KCNH1: variants seen among roughly 807,000 people sequenced by gnomAD.
The protein encoded by KCNH1 is potassium voltage-gated channel subfamily H member 1.
KCNH1 carries 27 observed loss-of-function variants against 69.2 expected under a neutral mutation model. That is an observed-to-expected ratio of 0.39 (90% CI 0.29 to 0.54). KCNH1 has a LOEUF of 0.54. KCNH1 is among the 20% of genes least tolerant of loss of function. The pLI is 0.68. For synonymous variants in KCNH1, 456 were observed against 487.7 expected (o/e 0.93, Z 0.86); for missense variants, 798 against 1,261.6 (o/e 0.63, Z 5.57).
chr1:210,905,667 C>G (rs373093360), intron 7 of KCNH1, among the ~76,000 whole-genome samples: 1 of 151,672 alleles, frequency 6.6e-6, no homozygotes, highest in Non-Finnish European at 1.5e-5. Context: ...AAAAAAAAAT[C>G]GTAAAACTGG....
In KCNH1 at chr1:210,925,651, A is replaced by C. The variant is rs373362322; in HGVS notation, c.1033-5582T>G. 6.6e-4 allele frequency among the ~76,000 whole-genome samples: 101 copies of C among 152,352 alleles called. 1 individual carries two copies. The South Asian group carries it at 0.021, about 32-fold the overall frequency. On this transcript the variant is annotated intron_variant, in intron 6 of 10. Coordinates refer to ENST00000271751, the MANE Select transcript of KCNH1 (RefSeq NM_172362.3). ...CCTGTATGACTCAGCACAGGCAGCCATCATCCCCACTGGGAATATAACTCC... is the reference window on the plus strand; with the variant it reads ...CCTGTATGACTCAGCACAGGCAGCCCTCATCCCCACTGGGAATATAACTCC...
In KCNH1 at chr1:211,050,260, T is replaced by TAAAAAAAAAAAAAAAAAAAAAAAAA. The variant is rs747498526; in HGVS notation, c.559-31029_559-31005dup. ...AGGACAAACTCAGCCCACACATTCT[T>TAAAAAAAAAAAAAAAAAAAAAAAAA]AAAAAAAAAAAAAAAAAAAAAAAAA... On this transcript the variant is annotated intron_variant, in intron 5 of 10. Transcript: ENST00000271751. Among the ~76,000 whole-genome samples, 21 of 58,574 alleles carry TAAAAAAAAAAAAAAAAAAAAAAAAA rather than the reference T, an allele frequency of 3.6e-4. 3 individuals carry two copies. The highest frequency in any genetic ancestry group is 5.5e-4 in the Non-Finnish European group (18 of 32,568). The allele number at this position is 58,574 out of a possible 152,430, so 38.4% of individuals were successfully genotyped here. A position where few individuals can be genotyped will look rare whatever the true frequency, so the allele number is the denominator to read the frequency against.
chr1:211,115,328 G>A (rs765513844), intron 1 of KCNH1, among the ~76,000 whole-genome samples: 21 of 152,086 alleles, frequency 1.4e-4, no homozygotes, highest in Non-Finnish European at 2.2e-4. Flanking sequence ...ACCTGTGATG[G>A]TTAATACTGA....
intron 6 of KCNH1, among the ~76,000 whole-genome samples, chr1:210,969,703 T>C (rs1474401560): frequency 1.3e-5 from 2 of 152,178 alleles, no homozygotes. Flanking sequence ...AACAATCAAC[T>C]TTTGATATTG....
At chr1:210,799,336 T>C (rs909644065) in intron 8 of KCNH1, among the ~76,000 whole-genome samples, 2 of 152,284 alleles carry the variant, frequency 1.3e-5, no homozygotes, top group Middle Eastern at 6.8e-3. Flanking sequence ...AGCTTGACAT[T>C]AGAGCCTGGT....
At chr1:210,871,019 T>C (rs1686229625) in intron 7 of KCNH1, among the ~76,000 whole-genome samples, 1 of 152,064 alleles carries the variant, frequency 6.6e-6, no homozygotes, top group South Asian at 2.1e-4. Context: ...GCATATCTCA[T>C]GGAGTGGCAA....
At chr1:210,810,604 C>G (rs10863857) in intron 7 of KCNH1, among the ~76,000 whole-genome samples, 42,689 of 151,888 alleles carry the variant, frequency 0.28, 6,480 homozygotes, top group East Asian at 0.64. Context: ...TCAGCTTTTG[C>G]TCTTTTATTG....
chr1:210,682,367 C>T lies in KCNH1; in HGVS notation c.*914G>A, dbSNP rs993989899. On this transcript the variant is annotated 3_prime_UTR_variant, in exon 11 of 11. Coordinates refer to ENST00000271751, the MANE Select transcript of KCNH1 (RefSeq NM_172362.3). The stretch of plus-strand genomic sequence containing the variant: ...TGTGTCTGCTTTGTTAATAAAGCAA[C>T]TCTGGGCTCATGACCCTTCCTGCCG... 2 of 152,236 alleles carry T rather than the reference C, an allele frequency of 1.3e-5. No homozygotes were observed. Among genetic ancestry groups the T allele is most frequent in the African/African-American group, 4.8e-5 (2 of 41,424 alleles). The allele number at this position is 152,236 out of a possible 1,614,324, so 9.4% of individuals were successfully genotyped here. A position where few individuals can be genotyped will look rare whatever the true frequency, so the allele number is the denominator to read the frequency against.
rs192036400 is a variant in KCNH1, at chr1:211,092,144, T to G, written c.311-1454A>C. ...GTAGCCAGCACTGTGCTCAGCATTT[T>G]ACATATATTATTTTGTGAGATAGAG... On this transcript the variant is annotated intron_variant, in intron 3 of 10. Coordinates refer to ENST00000271751, the MANE Select transcript of KCNH1 (RefSeq NM_172362.3). 2.2e-3 allele frequency among the ~76,000 whole-genome samples: 340 copies of G among 152,350 alleles called. 1 individual carries two copies. The highest frequency in any genetic ancestry group is 7.7e-3 in the African/African-American group (322 of 41,576).
chr1:210,730,738 G>C (rs1047190458), intron 10 of KCNH1, among the ~76,000 whole-genome samples: 10 of 152,186 alleles, frequency 6.6e-5, no homozygotes, highest in African/African-American at 9.7e-5. Context: ...CTACGGAAAA[G>C]CTCTGCCCAG....
At chr1:210,913,630 A>G (rs7528399) in intron 7 of KCNH1, among the ~76,000 whole-genome samples, 5,102 of 152,270 alleles carry the variant, frequency 0.034, 284 homozygotes, top group African/African-American at 0.12. Context: ...TCAACTAGAA[A>G]TATAAGGACA....
chr1:210,696,045 C>A (rs141224418), intron 10 of KCNH1, among the ~76,000 whole-genome samples: 1 of 152,228 alleles, frequency 6.6e-6, no homozygotes, highest in East Asian at 1.9e-4. Context: ...TCTCTGGTCA[C>A]TCCCTGCACA....
intron 6 of KCNH1, among the ~76,000 whole-genome samples, chr1:210,955,478 T>G (rs1344989412): frequency 1.3e-5 from 2 of 152,246 alleles, no homozygotes; most frequent in African/African-American, 4.8e-5. Context: ...ATTGAATCTG[T>G]AAATTATCTT....
intron 7 of KCNH1, among the ~76,000 whole-genome samples, chr1:210,888,924 CA>C (rs1686683901): frequency 6.6e-6 from 1 of 152,010 alleles, no homozygotes. Context: ...GCCTAACAAC[CA>C]AAACAAAACC....
At chr1:210,727,266 C>T (rs1029446874) in intron 10 of KCNH1, among the ~76,000 whole-genome samples, 2 of 152,156 alleles carry the variant, frequency 1.3e-5, no homozygotes, top group Admixed American at 1.3e-4. Flanking sequence ...GGCATATTCC[C>T]ACTAAGTCTC....
At chr1:210,859,185 C>T (rs1330467088) in intron 7 of KCNH1, 2 of 1,589,604 alleles carry the variant, frequency 1.3e-6, no homozygotes, top group African/African-American at 2.7e-5. Flanking sequence ...CAATTCATCC[C>T]TGGTACTGGG....
chr1:210,902,942 A>G (rs763099719), intron 7 of KCNH1, among the ~76,000 whole-genome samples: 1 of 152,156 alleles, frequency 6.6e-6, no homozygotes, highest in Non-Finnish European at 1.5e-5. Flanking sequence ...CCTTCAGGAG[A>G]AAGTATAAGC....
Position 210,920,055 on chromosome 1 carries a change from C to T in KCNH1, c.1047G>A (p.Leu349=). 1 of 1,612,900 alleles carries T rather than the reference C, an allele frequency of 6.2e-7. No individual in the cohort carries two copies. The highest frequency in any genetic ancestry group is 2.2e-5 in the East Asian group (1 of 44,852). The change falls in exon 7 of 11, where the codon CTG becomes CTA. Residue 349 remains leucine, a synonymous_variant. Coordinates refer to ENST00000271751, the MANE Select transcript of KCNH1 (RefSeq NM_172362.3). The part of the protein sequence containing the change: ...EGRESQGISS[L]FSSLKVVRLL... ...GCCGGACAACTTTTAGAGAGCTGAA[C>T]AGGCTGCTGATGCCCTGGGAGAAGA...
intron 6 of KCNH1, among the ~76,000 whole-genome samples, chr1:211,001,763 C>G (rs757530412): frequency 1.3e-5 from 2 of 152,072 alleles, no homozygotes; most frequent in Non-Finnish European, 2.9e-5. Context: ...TGGAACCAAC[C>G]CAAATGTCCA....
Sources: gnomAD v4.1 joint callset for allele counts (sites outside exome capture counted in the v4.1 genomes callset) on GRCh38, gnomAD v4.1.1 for gene constraint, MANE v1.5 for transcripts, NCBI Gene and HGNC (gene_info 2026-07-23, HGNC 2026-07-21) for gene names.